Variants in PGPEP1L observed in about 807,000 individuals in gnomAD.
PGPEP1L encodes pyroglutamyl-peptidase 1-like protein.
Under a neutral mutation model 6.0 loss-of-function variants are expected in PGPEP1L, and 7 were observed. That is an observed-to-expected ratio of 1.17 (90% CI 0.66 to 2.19). The LOEUF (loss-of-function observed/expected upper bound fraction) is 2.19. Ranked by LOEUF, PGPEP1L falls within the 30% of genes most tolerant of loss-of-function variation. The pLI, the probability that PGPEP1L is intolerant of heterozygous loss-of-function variation, is 0.00. For synonymous variants in PGPEP1L, 103 were observed against 83.9 expected (o/e 1.23, Z -1.24); for missense variants, 209 against 192.5 (o/e 1.09, Z -0.51).
chr15:98,999,659 C>A (rs2017933169), intron 2 of PGPEP1L, among the ~76,000 whole-genome samples: 1 of 152,140 alleles, frequency 6.6e-6, no homozygotes, highest in African/African-American at 2.4e-5. Flanking sequence ...TAGACCAAAG[C>A]TGGAAACTAC....
chr15:99,000,116 G>A (rs567844843), intron 2 of PGPEP1L, among the ~76,000 whole-genome samples: 138 of 152,338 alleles, frequency 9.1e-4, no homozygotes, highest in African/African-American at 3.2e-3. Flanking sequence ...CCGGGTGGGC[G>A]TGGGCTCCGC....
intron 2 of PGPEP1L, among the ~76,000 whole-genome samples, chr15:98,989,640 G>C (rs2030492520): frequency 6.6e-6 from 1 of 152,152 alleles, no homozygotes; most frequent in Non-Finnish European, 1.5e-5. Flanking sequence ...ACACCACAAA[G>C]ATACTCCTTG....
Position 98,969,649 on chromosome 15 carries a change from G to A in PGPEP1L, c.-16C>T, listed in dbSNP as rs781271911. ...CGGTGTCCATGCCCACATGCACGAC[G>A]AGCTGTGTGAACGGGTAACAGCAGA... On this transcript the variant is annotated splice_region_variant and 5_prime_UTR_variant, in exon 4 of 5. Coordinates refer to ENST00000535714, the MANE Select transcript of PGPEP1L (RefSeq NM_001167902.2). 9 of 1,610,546 alleles carry A rather than the reference G, an allele frequency of 5.6e-6. No homozygotes were observed. Among genetic ancestry groups the A allele is most frequent in the Admixed American group, 1.7e-5 (1 of 59,998 alleles).
Position 98,994,182 on chromosome 15 carries a change from C to A in PGPEP1L, c.-142+11247G>T, listed in dbSNP as rs556706428. On this transcript the variant is annotated intron_variant, in intron 2 of 4. Transcript: ENST00000535714. ...TTACGAGACTGAGGCAGGAGAATAG[C>A]TTGAACCTGGGATGTGGAGGTTGCA... Among the ~76,000 whole-genome samples the A allele has an allele frequency of 2.6e-5, 4 of 151,986 alleles. No homozygotes were observed. In the East Asian group the frequency reaches 7.8e-4, roughly 29 times the overall value.
intron 2 of PGPEP1L, among the ~76,000 whole-genome samples, chr15:99,004,147 A>C (rs1555473352): frequency 6.8e-6 from 1 of 146,894 alleles, no homozygotes; most frequent in Non-Finnish European, 1.5e-5. Context: ...TCATGCCTGT[A>C]ATCCCTGCAT....
chr15:98,992,932 A>G (rs141964602), intron 2 of PGPEP1L, among the ~76,000 whole-genome samples: 7 of 152,238 alleles, frequency 4.6e-5, no homozygotes, highest in Non-Finnish European at 5.9e-5. Context: ...CTTACACCTT[A>G]TACAAAAATT....
intron 2 of PGPEP1L, among the ~76,000 whole-genome samples, chr15:98,988,776 G>A (rs569948722): frequency 2.8e-4 from 42 of 152,186 alleles, no homozygotes; most frequent in Non-Finnish European, 5.1e-4. Context: ...CCTCTAGGAC[G>A]AAGCTTCAGG....
intron 2 of PGPEP1L, among the ~76,000 whole-genome samples, chr15:98,972,252 C>T (rs1401208327): frequency 1.3e-5 from 2 of 152,090 alleles, no homozygotes; most frequent in African/African-American, 4.8e-5. Flanking sequence ...ACTTGGGATG[C>T]TAAGGCAGGA....
rs140718316 is a variant in PGPEP1L at position 99,006,616 on chromosome 15, G to A, written c.-370+743C>T. ...GGCCAAGGTAGGAGGATAGCCTGAGGCCAGGAGTTCAAGATCAACCTGGGC... is the reference window on the plus strand; with the variant it reads ...GGCCAAGGTAGGAGGATAGCCTGAGACCAGGAGTTCAAGATCAACCTGGGC... On this transcript the variant is annotated intron_variant, in intron 1 of 4. Coordinates refer to ENST00000535714, the MANE Select transcript of PGPEP1L (RefSeq NM_001167902.2). Among the ~76,000 whole-genome samples the A allele has an allele frequency of 3.5e-3, 534 of 152,326 alleles. 2 individuals are homozygous for A. Among genetic ancestry groups the A allele is most frequent in the Middle Eastern group, 0.024 (7 of 294 alleles).
chr15:98,971,496 A>G (rs2017497096), intron 2 of PGPEP1L, among the ~76,000 whole-genome samples: 1 of 152,186 alleles, frequency 6.6e-6, no homozygotes, highest in Non-Finnish European at 1.5e-5. Context: ...TCTGTTTCCA[A>G]AAAAAGAAAA....
rs57036063 is a variant in PGPEP1L, at chr15:98,971,194, TGG to T, written c.-141-38_-141-37del. The T allele has an allele frequency of 7.2e-4, 423 of 586,200 alleles. 1 individual carries two copies. In the African/African-American group the frequency reaches 7.9e-3, roughly 11 times the overall value. 36.3% of individuals were successfully genotyped at this position (586,200 alleles called of 1,614,324 possible). A position where few individuals can be genotyped will look rare whatever the true frequency, so the allele number is the denominator to read the frequency against. On this transcript the variant is annotated intron_variant, in intron 2 of 4. Transcript: ENST00000535714. Reference sequence around the variant, plus strand: ...CGGCAGGTGGACTTGCCTCAGTTGATGGGGGGGGGGGGGGGGTGGGCACCAAG... The same window carrying T: ...CGGCAGGTGGACTTGCCTCAGTTGATGGGGGGGGGGGGGGTGGGCACCAAG...
In PGPEP1L at chr15:98,982,546, C is replaced by T. The variant is rs576277554; in HGVS notation, c.-141-11388G>A. 2.6e-5 allele frequency among the ~76,000 whole-genome samples: 4 copies of T among 152,170 alleles called. 1 individual carries two copies. Among genetic ancestry groups the T allele is most frequent in the African/African-American group, 9.6e-5 (4 of 41,524 alleles). On this transcript the variant is annotated intron_variant, in intron 2 of 4. Coordinates refer to ENST00000535714, the MANE Select transcript of PGPEP1L (RefSeq NM_001167902.2). ...CATGGGAAAGTGCATTTGGGTTATCCAACCGTGGAGGCCAATGTTCAGATA... is the reference window on the plus strand; with the variant it reads ...CATGGGAAAGTGCATTTGGGTTATCTAACCGTGGAGGCCAATGTTCAGATA...
chr15:99,002,877 C>A (rs2017993724), intron 2 of PGPEP1L, among the ~76,000 whole-genome samples: 1 of 152,144 alleles, frequency 6.6e-6, no homozygotes, highest in African/African-American at 2.4e-5. Context: ...CATTCATATT[C>A]TTTGATGAGG....
intron 2 of PGPEP1L, among the ~76,000 whole-genome samples, chr15:98,986,781 C>T (rs2017752971): frequency 1.3e-5 from 2 of 152,282 alleles, no homozygotes; most frequent in Admixed American, 1.3e-4. Flanking sequence ...TTATGCAGTA[C>T]ACCCAGTTGG....
intron 2 of PGPEP1L, among the ~76,000 whole-genome samples, chr15:98,975,892 A>G (rs1027964391): frequency 2.6e-5 from 4 of 152,098 alleles, no homozygotes; most frequent in African/African-American, 9.7e-5. Flanking sequence ...AAATAAATAA[A>G]TAAGTAAATA....
Position 99,007,681 on chromosome 15 carries a change from T to G in PGPEP1L, c.-692A>C, listed in dbSNP as rs1379856110. 1.3e-5 allele frequency: 2 copies of G among 152,198 alleles called. No individual in the cohort carries two copies. Among genetic ancestry groups the G allele is most frequent in the African/African-American group, 4.8e-5 (2 of 41,434 alleles). The allele number at this position is 152,198 out of a possible 1,614,324, so 9.4% of individuals were successfully genotyped here. Reference sequence around the variant, plus strand: ...AGCTGCAGACCTTCACGGTGAGCGTTACAGCTCATAAAGGCAGTGCGGACC... The same window carrying G: ...AGCTGCAGACCTTCACGGTGAGCGTGACAGCTCATAAAGGCAGTGCGGACC... On this transcript the variant is annotated 5_prime_UTR_variant, in exon 1 of 5. Coordinates refer to ENST00000535714, the MANE Select transcript of PGPEP1L (RefSeq NM_001167902.2).
chr15:98,970,861 A>C (rs1237077592), intron 3 of PGPEP1L, among the ~76,000 whole-genome samples, 175 bp downstream of exon 3: 1 of 152,126 alleles, frequency 6.6e-6, no homozygotes, highest in Non-Finnish European at 1.5e-5. Context: ...TTTTGGCTTA[A>C]ACTTTTACAA....
chr15:99,007,061 A>G (rs1273065325), intron 1 of PGPEP1L, among the ~76,000 whole-genome samples: 2 of 151,686 alleles, frequency 1.3e-5, no homozygotes, highest in Non-Finnish European at 2.9e-5. Context: ...CGCGGATTAG[A>G]CCCCCCTTGG....
At chr15:98,981,513 CAAAACAAAA>C in intron 2 of PGPEP1L, among the ~76,000 whole-genome samples, 1 of 132,392 alleles carries the variant, frequency 7.6e-6, no homozygotes, top group African/African-American at 3.1e-5. Context: ...AAAACAAAAA[CAAAACAAAA>C]ACAACAAACA....
Sources: gnomAD v4.1 joint callset for allele counts (sites outside exome capture counted in the v4.1 genomes callset) on GRCh38, gnomAD v4.1.1 for gene constraint, MANE v1.5 for transcripts, NCBI Gene and HGNC (gene_info 2026-07-23, HGNC 2026-07-21) for gene names.